The following DOP1A variants were observed in gnomAD, a reference collection of about 807,000 sequenced individuals.
The protein encoded by DOP1A is DOP1 leucine zipper like protein A, also known as protein DOP1A.
A neutral mutation model predicts 267.6 loss-of-function variants in DOP1A; 90 were observed. The observed-to-expected ratio is 0.34, with a 90% confidence interval of 0.28 to 0.40. The LOEUF is 0.40. Among genes scored for constraint, DOP1A ranks in the 10% least tolerant of loss-of-function variants. The pLI, the probability that DOP1A is intolerant of heterozygous loss-of-function variation, is 1.00. For synonymous variants in DOP1A, 932 were observed against 999.1 expected, an observed-to-expected ratio of 0.93 and a Z score of 1.27; for missense variants, 2,437 against 2,900.4, an observed-to-expected ratio of 0.84 and a Z score of 3.67.
At position 83,140,327 on chromosome 6, in the gene DOP1A, A is replaced by G; in HGVS notation, c.5339A>G (p.His1780Arg). Residue 1780 changes from histidine to arginine, a missense_variant, in exon 23 of 39, where the codon CAT (histidine) becomes CGT (arginine). Around this residue, in one of 9 missense-constraint regions of DOP1A, gnomAD observed 307 missense variants for 308.6 expected, o/e 0.99. Transcript: ENST00000349129. ...SSVTLLWSIL[H>R]QADSSEKMTI... ...GTGACACTGCTTTGGAGCATACTGC[A>G]TCAAGCTGATTCTTCAGAAAAGATG... 3.1e-6 allele frequency: 5 copies of G among 1,613,514 alleles called. No individual in the cohort carries two copies. The highest frequency in any genetic ancestry group is 2.2e-5 in the East Asian group (1 of 44,870).
chr6:83,076,840 C>G (rs142770346), intron 1 of DOP1A, among the ~76,000 whole-genome samples: 1 of 152,042 alleles, frequency 6.6e-6, no homozygotes. Context: ...CAGCACTACT[C>G]GTGATAATCA....
intron 18 of DOP1A, among the ~76,000 whole-genome samples, chr6:83,133,328 G>GA (rs1259245117): frequency 6.6e-6 from 1 of 151,536 alleles, no homozygotes; most frequent in Non-Finnish European, 1.5e-5. Flanking sequence ...ACACATCCAT[G>GA]AAAAAAAATT....
At chr6:83,129,882 C>T (rs984047469) in intron 16 of DOP1A, among the ~76,000 whole-genome samples, 4 of 152,088 alleles carry the variant, frequency 2.6e-5, no homozygotes, top group African/African-American at 9.7e-5. Context: ...GATCAATATA[C>T]TGTTTTTCGG....
rs913521882 is a variant in DOP1A, at chr6:83,125,179, T to A, written c.1469T>A (p.Met490Lys). Residue 490 changes from methionine (M) to lysine (K), a missense_variant, in exon 14 of 39, where the codon ATG becomes AAG. This residue lies in a region of DOP1A where 498 missense variants were observed against 513.5 expected (regional missense o/e 0.97). Coordinates refer to ENST00000349129, the MANE Select transcript of DOP1A (RefSeq NM_015018.4). ...CTCATTTTGAAGCCTACTAGAAGTA[T>A]GAGGGTGCTGTGTCAGGTATGACAT... ...LDIVSLPTRS[M>K]RVLCQETYIE... 3 of 1,583,414 alleles carry A rather than the reference T, an allele frequency of 1.9e-6. No homozygotes were observed. Among genetic ancestry groups the A allele is most frequent in the African/African-American group, 2.7e-5 (2 of 73,066 alleles).
At chr6:83,124,504 G>A (rs1360528399) in intron 12 of DOP1A, among the ~76,000 whole-genome samples, 1 of 152,160 alleles carries the variant, frequency 6.6e-6, no homozygotes, top group Non-Finnish European at 1.5e-5. Context: ...GTTACAGGGA[G>A]AGGATCAGCC....
chr6:83,163,739 C>T (rs1784777147), intron 38 of DOP1A, among the ~76,000 whole-genome samples: 2 of 152,036 alleles, frequency 1.3e-5, no homozygotes. Flanking sequence ...TGCAAGACCC[C>T]CACAACCTGC....
chr6:83,118,503 A>G (rs1377751933), intron 7 of DOP1A, among the ~76,000 whole-genome samples: 1 of 152,164 alleles, frequency 6.6e-6, no homozygotes, highest in Non-Finnish European at 1.5e-5. Flanking sequence ...GAAGATAGTA[A>G]CCTTCTCAGG....
intron 15 of DOP1A, among the ~76,000 whole-genome samples, chr6:83,126,506 C>T (rs1777181780): frequency 6.6e-6 from 1 of 152,060 alleles, no homozygotes; most frequent in African/African-American, 2.4e-5. Flanking sequence ...CCTTCTCTAT[C>T]CTTCCTTTCT....
In DOP1A at chr6:83,135,890, A is replaced by G. The variant is rs776857310; in HGVS notation, c.3130+12A>G. 2 of 1,612,418 alleles carry G rather than the reference A, an allele frequency of 1.2e-6. No homozygotes were observed. Among genetic ancestry groups the G allele is most frequent in the Non-Finnish European group, 1.7e-6 (2 of 1,178,950 alleles). On this transcript the variant is annotated intron_variant, in intron 20 of 38. Transcript: ENST00000349129. ...TGCCTGCAGCAATGGTGAATAACAC[A>G]TAGAAGTAGACAGCTTTATTTAGAA...
chr6:83,095,429 T>C (rs958927971), intron 1 of DOP1A, among the ~76,000 whole-genome samples: 4 of 152,170 alleles, frequency 2.6e-5, no homozygotes, highest in African/African-American at 9.7e-5. Flanking sequence ...AAACTACTTG[T>C]TGGAAAGACT....
intron 24 of DOP1A, 84 bp from the exon 25 acceptor site, chr6:83,145,440 A>G: frequency 8.3e-7 from 1 of 1,206,690 alleles, no homozygotes; most frequent in South Asian, 1.8e-5. Flanking sequence ...TAAAAAAAGA[A>G]GAGATCATAA....
rs1411768750 is a variant in DOP1A at position 83,154,194 on chromosome 6, T to C, written c.6404T>C (p.Met2135Thr). Reference sequence around the variant, plus strand: ...ATCTCTTTCAGTTGGAGAGCAATTATGGACAATCTGATGACACATGATAAA... The same window carrying C: ...ATCTCTTTCAGTTGGAGAGCAATTACGGACAATCTGATGACACATGATAAA... ...ASCVNHWRAI[M>T]DNLMTHDKTT... The change falls in exon 33 of 39, where the codon ATG becomes ACG. Residue 2135 changes from methionine to threonine, a missense_variant. Met to Thr is a moderately conservative substitution (Grantham distance 81). This residue lies in a region of DOP1A where 216 missense variants were observed against 283.3 expected (regional missense o/e 0.76). Transcript: ENST00000349129. The C allele has an allele frequency of 3.1e-6, 5 of 1,613,860 alleles. No individual in the cohort carries two copies. Among genetic ancestry groups the C allele is most frequent in the Non-Finnish European group, 4.2e-6 (5 of 1,179,892 alleles).
At chr6:83,076,727 G>A (rs1431828625) in intron 1 of DOP1A, among the ~76,000 whole-genome samples, 1 of 152,044 alleles carries the variant, frequency 6.6e-6, no homozygotes, top group Non-Finnish European at 1.5e-5. Context: ...CTCAAAAAAA[G>A]TTTAAAAAAT....
intron 7 of DOP1A, among the ~76,000 whole-genome samples, chr6:83,116,903 G>A (rs941699497): frequency 2.6e-5 from 4 of 151,992 alleles, no homozygotes; most frequent in African/African-American, 4.8e-5. Flanking sequence ...TATTTGTCAC[G>A]ATTAATGTTA....
chr6:83,111,875 C>G (rs2128182080), intron 6 of DOP1A, among the ~76,000 whole-genome samples: 1 of 152,206 alleles, frequency 6.6e-6, no homozygotes, highest in East Asian at 1.9e-4. Flanking sequence ...TAATTTTGAT[C>G]AAATCCAGTT....
chr6:83,115,372 A>T (rs1448687603), intron 7 of DOP1A, among the ~76,000 whole-genome samples: 1 of 152,212 alleles, frequency 6.6e-6, no homozygotes, highest in Non-Finnish European at 1.5e-5. Flanking sequence ...ATTACCTCAC[A>T]CAATTAATTT....
At chr6:83,085,890 G>A (rs563577354) in intron 1 of DOP1A, among the ~76,000 whole-genome samples, 1 of 152,180 alleles carries the variant, frequency 6.6e-6, no homozygotes, top group East Asian at 1.9e-4. Context: ...GCAAAGGAAT[G>A]ACATAATGTG....
chr6:83,113,777 T>A (rs1313556969), intron 7 of DOP1A, among the ~76,000 whole-genome samples: 2 of 152,214 alleles, frequency 1.3e-5, no homozygotes, highest in Non-Finnish European at 2.9e-5. Flanking sequence ...GATTTTAACA[T>A]GCATGCCAGA....
In DOP1A at chr6:83,125,734, G is replaced by A. The variant is rs1426062544; in HGVS notation, c.1719+1G>A. 2 of 1,605,192 alleles carry A rather than the reference G, an allele frequency of 1.2e-6. No individual in the cohort carries two copies. Among genetic ancestry groups the A allele is most frequent in the Non-Finnish European group, 1.7e-6 (2 of 1,172,764 alleles). ...AGTCAAAGAGTGGGAAGACAAAAAG[G>A]TAATTTTAACTATTATTTTTGGTAT... On this transcript the variant is annotated splice_donor_variant, in intron 15 of 38. Coordinates refer to ENST00000349129, the MANE Select transcript of DOP1A (RefSeq NM_015018.4). LOFTEE classifies it high-confidence loss of function.
Sources: allele counts gnomAD v4.1 joint callset (sites outside exome capture counted in the v4.1 genomes callset), GRCh38; gene constraint gnomAD v4.1.1; regional missense constraint gnomAD v4.1.1; transcripts MANE v1.5; gene names NCBI Gene and HGNC (gene_info 2026-07-23, HGNC 2026-07-21).